NFXL1: variants seen among roughly 807,000 people sequenced by gnomAD.
The protein encoded by NFXL1 is NF-X1-type zinc finger protein NFXL1.
A neutral mutation model predicts 123.3 loss-of-function variants in NFXL1; 66 were observed. The observed-to-expected ratio is 0.54, with a 90% CI of 0.44 to 0.66. The LOEUF (loss-of-function observed/expected upper bound fraction) is 0.66, where lower values mean the gene tolerates loss of function less well. Ranked by LOEUF, NFXL1 falls within the 30% of genes least tolerant of loss-of-function variation. The pLI is 0.00. For synonymous variants in NFXL1, 346 were observed against 360.8 expected (o/e 0.96, Z 0.46); for missense variants, 944 against 1,125.6 (o/e 0.84, Z 2.31).
Position 47,851,164 on chromosome 4 carries a change from CA to C in NFXL1, c.2509-17del. ...CTTCTTTTATCTGTTTATACACATA[CA>C]AAAGTCAATTTACAATTTAGTCATC... is the stretch of plus-strand genomic sequence containing the variant. On this transcript the variant is annotated splice_polypyrimidine_tract_variant and intron_variant, in intron 21 of 22. Coordinates refer to ENST00000507489, the MANE Select transcript of NFXL1 (RefSeq NM_001278624.2). The C allele has an allele frequency of 6.3e-7, 1 of 1,590,186 alleles. No individual in the cohort carries two copies. Among genetic ancestry groups the C allele is most frequent in the Non-Finnish European group, 8.6e-7 (1 of 1,159,444 alleles).
Position 47,910,814 on chromosome 4 carries a change from AG to A in NFXL1, c.406+9del, listed in dbSNP as rs1560607303. On this transcript the variant is annotated intron_variant, in intron 3 of 22. Transcript: ENST00000507489. ...TTGACGTCAAAAGTCAAAATTTAAA[AG>A]ATCAGTACCTGTCTGAGTAGTGTAT... 1.3e-6 allele frequency: 2 copies of A among 1,493,480 alleles called. No homozygotes were observed. The highest frequency in any genetic ancestry group is 2.7e-5 in the South Asian group (2 of 73,938). 92.5% of individuals were successfully genotyped at this position (1,493,480 alleles called of 1,614,324 possible).
At position 47,879,114 on chromosome 4, in the gene NFXL1, T is replaced by G. The variant is rs764664580; in HGVS notation, c.1920A>C (p.Glu640Asp). 1 of 1,361,328 alleles carries G rather than the reference T, an allele frequency of 7.3e-7. No homozygotes were observed. The highest frequency in any genetic ancestry group is 9.9e-7 in the Non-Finnish European group (1 of 1,010,688). 84.3% of individuals were successfully genotyped at this position (1,361,328 alleles called of 1,614,324 possible). ...AACTTACCTCATGTTTCCCAAGACA[T>G]TCCCTACAAGGAAAAAATAAAATAA... ...CPPCQVPIPMECLGKHEVSPL... is the reference protein window; with the variant it reads ...CPPCQVPIPMDCLGKHEVSPL... The change falls in exon 16 of 23, where the codon GAA becomes GAC. Residue 640 changes from glutamate (E) to aspartate (D), a missense_variant. Around this residue, in one of 4 missense-constraint regions of NFXL1, gnomAD observed 301 missense variants for 348.0 expected, o/e 0.86. Transcript: ENST00000507489.
intron 11 of NFXL1, among the ~76,000 whole-genome samples, chr4:47,891,899 T>C (rs1350750249): frequency 6.6e-6 from 1 of 150,802 alleles, no homozygotes; most frequent in Non-Finnish European, 1.5e-5. Flanking sequence ...ATCACACCAC[T>C]GCACTCCAGC....
chr4:47,910,895 CCTT>C lies in NFXL1; in HGVS notation c.332_334del (p.Glu111del), dbSNP rs752004389. 3.8e-6 allele frequency: 6 copies of C among 1,597,556 alleles called. No homozygotes were observed. The African/African-American group carries it at 4.0e-5, about 11-fold the overall frequency. On this transcript the variant is annotated inframe_deletion, in exon 3 of 23. Coordinates refer to ENST00000507489, the MANE Select transcript of NFXL1 (RefSeq NM_001278624.2). ...CTGTTTTCCTTCAAAATCTTCATCT[CCTT>C]CTTCAGATGAAGAGCTAAACTGTTC...
chr4:47,885,434 AG>A, intron 14 of NFXL1, 63 bp downstream of exon 14: 1 of 1,352,456 alleles, frequency 7.4e-7, no homozygotes, highest in African/African-American at 1.4e-5. Flanking sequence ...TGAAAAACTA[AG>A]TAAAAGCAAG....
intron 15 of NFXL1, chr4:47,882,141 G>C (rs1248758316): frequency 6.6e-6 from 1 of 151,358 alleles, no homozygotes; most frequent in Non-Finnish European, 1.5e-5. Context: ...GCACACATAG[G>C]AACTCTCTAT....
At chr4:47,891,010 C>T (rs1196647634) in intron 11 of NFXL1, among the ~76,000 whole-genome samples, 1 of 151,836 alleles carries the variant, frequency 6.6e-6, no homozygotes, top group Non-Finnish European at 1.5e-5. Flanking sequence ...AAAGGAATGT[C>T]AATTCAGGAA....
In NFXL1 at chr4:47,914,387, C is replaced by T; in HGVS notation, c.-25G>A. On this transcript the variant is annotated 5_prime_UTR_variant, in exon 1 of 23. Transcript: ENST00000507489. ...TACCGGAGGGCGAGTCCCCGCCAAG[C>T]CCGGGCTTTGGAGATGGACCGAAGA... is the stretch of plus-strand genomic sequence containing the variant. The T allele has an allele frequency of 3.7e-6, 2 of 538,206 alleles. No homozygotes were observed. Among genetic ancestry groups the T allele is most frequent in the East Asian group, 3.0e-5 (1 of 33,484 alleles). 33.3% of individuals were successfully genotyped at this position (538,206 alleles called of 1,614,324 possible).
Position 47,908,694 on chromosome 4 carries a change from G to A in NFXL1, c.406+2130C>T, listed in dbSNP as rs556676432. On this transcript the variant is annotated intron_variant, in intron 3 of 22. Coordinates refer to ENST00000507489, the MANE Select transcript of NFXL1 (RefSeq NM_001278624.2). ...TTTTTGGCCTGGCGCAATGGCTCAC[G>A]CCTGTAATCCCAGCACTTTGGGAGG... Among the ~76,000 whole-genome samples the A allele has an allele frequency of 1.1e-3, 173 of 152,168 alleles. No homozygotes were observed. The Middle Eastern group carries it at 0.014, about 12-fold the overall frequency.
At chr4:47,910,590 C>T (rs1022640030) in intron 3 of NFXL1, among the ~76,000 whole-genome samples, 1 of 152,160 alleles carries the variant, frequency 6.6e-6, no homozygotes, top group African/African-American at 2.4e-5. Flanking sequence ...TAAATACACA[C>T]AAAGGCCTCC....
intron 15 of NFXL1, among the ~76,000 whole-genome samples, chr4:47,881,269 G>GTA: frequency 6.6e-6 from 1 of 152,054 alleles, no homozygotes; most frequent in African/African-American, 2.4e-5. Context: ...TCTGATCACT[G>GTA]TATATCACAC....
At position 47,847,273 on chromosome 4, in the gene NFXL1, C is replaced by T. The variant is rs556905271; in HGVS notation, c.*890G>A. ...CAAAAATTTTAATGAAAACATTAAT[C>T]ATATAAATTAAATAGCAAAACTATT... On this transcript the variant is annotated 3_prime_UTR_variant, in exon 23 of 23. Coordinates refer to ENST00000507489, the MANE Select transcript of NFXL1 (RefSeq NM_001278624.2). The T allele has an allele frequency of 8.6e-5, 13 of 152,002 alleles. No individual in the cohort carries two copies. Among genetic ancestry groups the T allele is most frequent in the African/African-American group, 2.9e-4 (12 of 41,492 alleles). The allele number at this position is 152,002 out of a possible 1,614,324, so 9.4% of individuals were successfully genotyped here. A position where few individuals can be genotyped will look rare whatever the true frequency, so the allele number is the denominator to read the frequency against.
chr4:47,872,820 T>G (rs1453592350), intron 18 of NFXL1, among the ~76,000 whole-genome samples: 1 of 152,178 alleles, frequency 6.6e-6, no homozygotes, highest in Admixed American at 6.5e-5. Flanking sequence ...CTGCTGAAGA[T>G]TGAGGTGGCT....
chr4:47,847,464 A>C lies in NFXL1; in HGVS notation c.*699T>G, dbSNP rs1733876865. The C allele has an allele frequency of 6.6e-6, 1 of 152,216 alleles. No individual in the cohort carries two copies. The allele number at this position is 152,216 out of a possible 1,614,324, so 9.4% of individuals were successfully genotyped here. A position where few individuals can be genotyped will look rare whatever the true frequency, so the allele number is the denominator to read the frequency against. On this transcript the variant is annotated 3_prime_UTR_variant, in exon 23 of 23. Transcript: ENST00000507489. ...CCTGTTGTCAGCACATATTCTTCAT[A>C]AATACTCATCTTCCTTTTATTATTT...
intron 5 of NFXL1, among the ~76,000 whole-genome samples, chr4:47,900,963 T>C (rs1737331637): frequency 6.6e-6 from 1 of 152,144 alleles, no homozygotes; most frequent in Admixed American, 6.5e-5. Flanking sequence ...AAGAAAAAGC[T>C]AGTGTGGAGG....
At chr4:47,896,369 C>T (rs1334697674) in intron 10 of NFXL1, among the ~76,000 whole-genome samples, 154 bp downstream of exon 10, 1 of 152,146 alleles carries the variant, frequency 6.6e-6, no homozygotes, top group Non-Finnish European at 1.5e-5. Context: ...CTGTATTCTC[C>T]TGCTTCTTAT....
intron 18 of NFXL1, among the ~76,000 whole-genome samples, chr4:47,870,148 C>T (rs1249916705): frequency 6.6e-6 from 1 of 152,016 alleles, no homozygotes; most frequent in East Asian, 1.9e-4. Flanking sequence ...ACTACATATT[C>T]TAAAGCATAG....
chr4:47,910,197 G>A (rs1004347218), intron 3 of NFXL1, among the ~76,000 whole-genome samples: 4 of 151,942 alleles, frequency 2.6e-5, no homozygotes, highest in Non-Finnish European at 4.4e-5. Flanking sequence ...AAAAAAGTAC[G>A]GCTAGGTGCA....
chr4:47,878,467 T>C (rs2110070118), intron 17 of NFXL1, 58 bp downstream of exon 17: 4 of 1,309,718 alleles, frequency 3.1e-6, no homozygotes, highest in East Asian at 2.6e-5. Context: ...GGTATAACTG[T>C]TGAAAAAACG....
Sources: allele counts gnomAD v4.1 joint callset (sites outside exome capture counted in the v4.1 genomes callset), GRCh38; gene constraint gnomAD v4.1.1; regional missense constraint gnomAD v4.1.1; transcripts MANE v1.5; gene names NCBI Gene and HGNC (gene_info 2026-07-23, HGNC 2026-07-21).